ADAMTS12: variants seen among roughly 807,000 people sequenced by gnomAD.
ADAMTS12 encodes ADAM metallopeptidase with thrombospondin type 1 motif 12.
In ADAMTS12, 118 loss-of-function variants were observed where a neutral mutation model predicts 167.8. That is an observed-to-expected ratio of 0.70 (90% confidence interval 0.61 to 0.82). The LOEUF is 0.82. Among genes scored for constraint, ADAMTS12 ranks in the 40% least tolerant of loss-of-function variants. The pLI is 0.00. For missense variants in ADAMTS12, 1,916 were observed against 1,998.8 expected (o/e 0.96, Z 0.79); for synonymous variants, 704 against 716.9 (o/e 0.98, Z 0.29).
At chr5:33,546,842 T>G (rs778111869) in intron 21 of ADAMTS12, among the ~76,000 whole-genome samples, 2 of 152,210 alleles carry the variant, frequency 1.3e-5, no homozygotes, top group Non-Finnish European at 2.9e-5. Context: ...ACCAAGAATG[T>G]TTGAAAAGTT....
intron 20 of ADAMTS12, among the ~76,000 whole-genome samples, chr5:33,557,293 G>GA (rs1472040211): frequency 6.6e-6 from 1 of 152,170 alleles, no homozygotes; most frequent in Admixed American, 6.5e-5. Flanking sequence ...TTCTTTCTGA[G>GA]AAAGTATCTG....
At chr5:33,531,349 C>T (rs138332560) in intron 23 of ADAMTS12, among the ~76,000 whole-genome samples, 39 of 152,306 alleles carry the variant, frequency 2.6e-4, no homozygotes, top group African/African-American at 8.4e-4. Context: ...AGCTAATATA[C>T]CCCTTCCTCC....
At position 33,751,385 on chromosome 5, in the gene ADAMTS12, G is replaced by C; in HGVS notation, c.634+19C>G. On this transcript the variant is annotated intron_variant, in intron 3 of 23. Transcript: ENST00000504830. Reference sequence around the variant, plus strand: ...CAAAACAGATTCTTCAACCCAGGAGGACATGTGAGTCACAATACCCTTTAA... The same window carrying C: ...CAAAACAGATTCTTCAACCCAGGAGCACATGTGAGTCACAATACCCTTTAA... The C allele has an allele frequency of 6.2e-7, 1 of 1,614,114 alleles. No homozygotes were observed. The highest frequency in any genetic ancestry group is 8.5e-7 in the Non-Finnish European group (1 of 1,180,002).
Position 33,637,642 on chromosome 5 carries a change from C to A in ADAMTS12, c.1823G>T (p.Cys608Phe). 1 of 1,613,808 alleles carries A rather than the reference C, an allele frequency of 6.2e-7. No homozygotes were observed. Among genetic ancestry groups the A allele is most frequent in the Non-Finnish European group, 8.5e-7 (1 of 1,179,746 alleles). Reference protein sequence around the residue: ...SEAPTFRQMQCSEFDTVPYKN... With the variant: ...SEAPTFRQMQFSEFDTVPYKN... ...GTAGGGAACAGTGTCAAATTCACTGCACTGCATCTGCCGAAATGTTGGTGC... is the reference window on the plus strand; with the variant it reads ...GTAGGGAACAGTGTCAAATTCACTGAACTGCATCTGCCGAAATGTTGGTGC... Residue 608 changes from cysteine to phenylalanine, a missense_variant, in exon 12 of 24, where the codon TGC (cysteine) becomes TTC (phenylalanine). Coordinates refer to ENST00000504830, the MANE Select transcript of ADAMTS12 (RefSeq NM_030955.4).
chr5:33,824,530 A>G (rs1344177810), intron 2 of ADAMTS12, among the ~76,000 whole-genome samples: 1 of 152,202 alleles, frequency 6.6e-6, no homozygotes, highest in African/African-American at 2.4e-5. Context: ...TCATACCTAA[A>G]GAATAGATTC....
At chr5:33,550,790 G>GCCTGC (rs777346115) in intron 20 of ADAMTS12, among the ~76,000 whole-genome samples, 133 of 152,226 alleles carry the variant, frequency 8.7e-4, no homozygotes, top group Admixed American at 5.8e-3. Flanking sequence ...TGAAAGCAGA[G>GCCTGC]CCTGCCCTGC....
intron 19 of ADAMTS12, among the ~76,000 whole-genome samples, chr5:33,575,285 C>T (rs898227596): frequency 4.6e-5 from 7 of 152,216 alleles, no homozygotes; most frequent in Admixed American, 2.0e-4. Context: ...GATTACTTCA[C>T]AATTTTAAAC....
intron 2 of ADAMTS12, among the ~76,000 whole-genome samples, chr5:33,783,834 C>T (rs1354351832): frequency 6.6e-6 from 1 of 151,880 alleles, no homozygotes; most frequent in Non-Finnish European, 1.5e-5. Flanking sequence ...TAAATTTTCA[C>T]ATAAAATTTT....
intron 3 of ADAMTS12, among the ~76,000 whole-genome samples, chr5:33,720,961 A>T (rs895488308): frequency 2.0e-5 from 3 of 152,238 alleles, no homozygotes; most frequent in Non-Finnish European, 4.4e-5. Flanking sequence ...TTTATAGCCC[A>T]AATGAAAAAT....
chr5:33,704,132 T>TA (rs1743102548), intron 3 of ADAMTS12, among the ~76,000 whole-genome samples: 1 of 152,230 alleles, frequency 6.6e-6, no homozygotes, highest in Non-Finnish European at 1.5e-5. Context: ...TGTTTGATCC[T>TA]AAAATCACAA....
intron 9 of ADAMTS12, among the ~76,000 whole-genome samples, chr5:33,645,595 G>T (rs553734211): frequency 3.3e-5 from 5 of 151,956 alleles, no homozygotes; most frequent in Non-Finnish European, 5.9e-5. Flanking sequence ...TTCTTTCCGA[G>T]GATTTCTTTT....
In ADAMTS12 at chr5:33,662,042, T is replaced by C; in HGVS notation, c.916-2A>G. 1 of 1,608,452 alleles carries C rather than the reference T, an allele frequency of 6.2e-7. No homozygotes were observed. Among genetic ancestry groups the C allele is most frequent in the Non-Finnish European group, 8.5e-7 (1 of 1,179,362 alleles). ...ATGGTGAACTATTTTCAGTCCTTGCTGGAGAAAGAAGAGGAAGAGATTAGC... is the reference window on the plus strand; with the variant it reads ...ATGGTGAACTATTTTCAGTCCTTGCCGGAGAAAGAAGAGGAAGAGATTAGC... On this transcript the variant is annotated splice_acceptor_variant, in intron 5 of 23. Transcript: ENST00000504830. LOFTEE classifies it high-confidence loss of function.
intron 20 of ADAMTS12, among the ~76,000 whole-genome samples, chr5:33,555,398 T>C (rs751948361): frequency 1.4e-4 from 22 of 152,078 alleles, no homozygotes; most frequent in Non-Finnish European, 2.4e-4. Context: ...GCATGTGCTG[T>C]ACCAAGCCGG....
intron 19 of ADAMTS12, among the ~76,000 whole-genome samples, chr5:33,569,614 A>G (rs1312819614): frequency 1.3e-5 from 2 of 152,188 alleles, no homozygotes; most frequent in African/African-American, 4.8e-5. Flanking sequence ...ATCATCAAAG[A>G]CCAAAAGTAG....
At chr5:33,664,772 A>ATGAT (rs1240460587) in intron 5 of ADAMTS12, among the ~76,000 whole-genome samples, 1 of 152,146 alleles carries the variant, frequency 6.6e-6, no homozygotes, top group Non-Finnish European at 1.5e-5. Flanking sequence ...GAACTACCAT[A>ATGAT]TGATCCCAGA....
chr5:33,782,426 A>G (rs1487534282), intron 2 of ADAMTS12, among the ~76,000 whole-genome samples: 1 of 152,158 alleles, frequency 6.6e-6, no homozygotes, highest in African/African-American at 2.4e-5. Context: ...AAACAGATGT[A>G]AATCCAACCA....
chr5:33,690,847 C>T (rs1380718575), intron 3 of ADAMTS12, among the ~76,000 whole-genome samples: 1 of 152,072 alleles, frequency 6.6e-6, no homozygotes, highest in East Asian at 1.9e-4. Flanking sequence ...TTTTTCCGTT[C>T]CGCACTCTCT....
intron 20 of ADAMTS12, among the ~76,000 whole-genome samples, chr5:33,553,298 A>G (rs1745339286): frequency 6.6e-6 from 1 of 152,214 alleles, no homozygotes; most frequent in Non-Finnish European, 1.5e-5. Flanking sequence ...ATTGTGAAAG[A>G]CAGTGTGGTG....
intron 2 of ADAMTS12, among the ~76,000 whole-genome samples, chr5:33,810,078 C>A (rs1747395714): frequency 6.6e-6 from 1 of 151,134 alleles, no homozygotes. Context: ...AGGGGAGAGG[C>A]AGGAGTGAAA....
Sources: gnomAD v4.1 joint callset for allele counts (sites outside exome capture counted in the v4.1 genomes callset) on GRCh38, gnomAD v4.1.1 for gene constraint, MANE v1.5 for transcripts, NCBI Gene and HGNC (gene_info 2026-07-23, HGNC 2026-07-21) for gene names.